Variants in TMED1 observed in about 807,000 individuals in gnomAD.
TMED1 encodes the protein transmembrane emp24 domain-containing protein 1.
A neutral mutation model predicts 21.2 loss-of-function variants in TMED1; 20 were observed. The observed-to-expected ratio is 0.95, with a 90% CI of 0.67 to 1.37. TMED1 has a LOEUF of 1.37. Among genes scored for constraint, TMED1 ranks in the 40% most tolerant of loss-of-function variants. The pLI is 0.00. For synonymous variants in TMED1, 149 were observed against 134.7 expected (o/e 1.11, Z -0.74); for missense variants, 316 against 309.8 (o/e 1.02, Z -0.15).
rs1568327526 is a variant in TMED1 at position 10,832,959 on chromosome 19, CCCT to C, written c.*33_*35del. 1.9e-6 allele frequency: 3 copies of C among 1,602,738 alleles called. No homozygotes were observed. The highest frequency in any genetic ancestry group is 1.7e-5 in the Admixed American group (1 of 59,974). ...GTCTCATATGCACACACCCTGCTGC[CCCT>C]CCTTTGTCCCGTTCTTCCTTCCATG... On this transcript the variant is annotated 3_prime_UTR_variant, in exon 4 of 4. Transcript: ENST00000214869.
In TMED1 at chr19:10,836,099, G is replaced by A; in HGVS notation, c.93C>T (p.Asp31=). 6.3e-7 allele frequency: 1 copy of A among 1,588,812 alleles called. No individual in the cohort carries two copies. Among genetic ancestry groups the A allele is most frequent in the Admixed American group, 1.8e-5 (1 of 56,422 alleles). ...CCGGCAACAGGAACGTGAACTCACC[G>A]TCCTGGATTGGCGGGGGCCCCGCCC... is the stretch of plus-strand genomic sequence containing the variant. ...VGGAGPPPIQ[D]GEFTFLLPAG... Residue 31 remains aspartate, a synonymous_variant, in exon 1 of 4, where the codon GAC becomes GAT. Transcript: ENST00000214869.
In TMED1 at chr19:10,832,959, C is replaced by T. The variant is rs773219415; in HGVS notation, c.*36G>A. On this transcript the variant is annotated 3_prime_UTR_variant, in exon 4 of 4. Coordinates refer to ENST00000214869, the MANE Select transcript of TMED1 (RefSeq NM_006858.4). ...GTCTCATATGCACACACCCTGCTGC[C>T]CCTCCTTTGTCCCGTTCTTCCTTCC... The T allele has an allele frequency of 1.9e-6, 3 of 1,602,738 alleles. No homozygotes were observed. Among genetic ancestry groups the T allele is most frequent in the East Asian group, 2.2e-5 (1 of 44,780 alleles).
At position 10,832,928 on chromosome 19, in the gene TMED1, C is replaced by T. The variant is rs1409796549; in HGVS notation, c.*67G>A. 6.4e-7 allele frequency: 1 copy of T among 1,561,774 alleles called. No individual in the cohort carries two copies. The highest frequency in any genetic ancestry group is 1.7e-4 in the Middle Eastern group (1 of 5,866). On this transcript the variant is annotated 3_prime_UTR_variant, in exon 4 of 4. Transcript: ENST00000214869. ...CAGGAAACTAAAATTGGGGAGGGAC[C>T]CCCAAGTCTCATATGCACACACCCT...
rs1437616933 is a variant in TMED1 at position 10,832,281 on chromosome 19, T to G, written c.*714A>C. 4 of 1,289,418 alleles carry G rather than the reference T, an allele frequency of 3.1e-6. No homozygotes were observed. The Admixed American group carries it at 6.9e-5, about 22-fold the overall frequency. 79.9% of individuals were successfully genotyped at this position (1,289,418 alleles called of 1,614,324 possible). A position where few individuals can be genotyped will look rare whatever the true frequency, so the allele number is the denominator to read the frequency against. On this transcript the variant is annotated 3_prime_UTR_variant, in exon 4 of 4. Transcript: ENST00000214869. ...AACTGGGGCTCAGTTAAACTTTGCT[T>G]TCTGATTTTTCTCTTGTGCCAGGCG... is the stretch of plus-strand genomic sequence containing the variant.
At chr19:10,835,928 C>T in intron 1 of TMED1, 81 bp downstream of exon 1, 1 of 1,480,292 alleles carries the variant, frequency 6.8e-7, no homozygotes, top group Non-Finnish European at 9.0e-7. Context: ...CCCCCTTCCT[C>T]CTAAAGCGCG....
intron 3 of TMED1, chr19:10,834,687 C>A: frequency 2.9e-6 from 1 of 346,490 alleles, no homozygotes; most frequent in South Asian, 3.3e-5. Flanking sequence ...ACCATGTTGG[C>A]CAGGCTGGTC....
rs751144513 is a variant in TMED1, at chr19:10,833,102, C to A, written c.577G>T (p.Val193Phe). 4 of 1,614,112 alleles carry A rather than the reference C, an allele frequency of 2.5e-6. No homozygotes were observed. The highest frequency in any genetic ancestry group is 3.4e-6 in the Non-Finnish European group (4 of 1,180,054). Residue 193 changes from valine (V) to phenylalanine (F), a missense_variant, in exon 4 of 4, where the codon GTC becomes TTC. Val to Phe is a conservative substitution (Grantham distance 50). Transcript: ENST00000214869. ...ACGTTGACAGCTGACCAGAAGTTGA[C>A]CCGCTCCAAGTTGCCCTCTTGCAGG... ...RNLQEGNLERVNFWSAVNVAV... is the reference protein window; with the variant it reads ...RNLQEGNLERFNFWSAVNVAV...
In TMED1 at chr19:10,833,132, G is replaced by C; in HGVS notation, c.547C>G (p.Arg183Gly). ...TLLRAFEARD[R>G]NLQEGNLERV... is the part of the protein sequence containing the mutation. The stretch of plus-strand genomic sequence containing the variant: ...TCCAAGTTGCCCTCTTGCAGGTTGC[G>C]GTCACGTGCCTCGAAGGCCCGCAGT... Residue 183 changes from arginine (R) to glycine (G), a missense_variant, in exon 4 of 4, where the codon CGC becomes GGC. Transcript: ENST00000214869. 6.2e-7 allele frequency: 1 copy of C among 1,614,012 alleles called. No homozygotes were observed. Among genetic ancestry groups the C allele is most frequent in the Non-Finnish European group, 8.5e-7 (1 of 1,180,040 alleles).
At chr19:10,833,431 A>G (rs1181176977) in intron 3 of TMED1, 4 of 588,948 alleles carry the variant, frequency 6.8e-6, no homozygotes, top group Non-Finnish European at 9.1e-6. Flanking sequence ...TTCCTCTTCT[A>G]TAAGCTTCCA....
At chr19:10,835,706 T>C (rs1029979149) in intron 1 of TMED1, 1 of 1,395,062 alleles carries the variant, frequency 7.2e-7, no homozygotes. Context: ...GCCCCCGCAG[T>C]TGACCTATCA....
intron 3 of TMED1, 76 bp from the exon 4 acceptor site, chr19:10,833,289 TAC>T: frequency 7.9e-7 from 1 of 1,266,356 alleles, no homozygotes; most frequent in Non-Finnish European, 1.1e-6. Flanking sequence ...AACCGGGGGA[TAC>T]GGAGGGAGGC....
Position 10,832,280 on chromosome 19 carries a change from T to G in TMED1, c.*715A>C. 1 of 1,289,636 alleles carries G rather than the reference T, an allele frequency of 7.8e-7. No individual in the cohort carries two copies. Among genetic ancestry groups the G allele is most frequent in the Non-Finnish European group, 1.0e-6 (1 of 988,804 alleles). 79.9% of individuals were successfully genotyped at this position (1,289,636 alleles called of 1,614,324 possible). A position where few individuals can be genotyped will look rare whatever the true frequency, so the allele number is the denominator to read the frequency against. ...CAACTGGGGCTCAGTTAAACTTTGC[T>G]TTCTGATTTTTCTCTTGTGCCAGGC... is the stretch of plus-strand genomic sequence containing the variant. On this transcript the variant is annotated 3_prime_UTR_variant, in exon 4 of 4. Coordinates refer to ENST00000214869, the MANE Select transcript of TMED1 (RefSeq NM_006858.4).
Position 10,834,958 on chromosome 19 carries a change from C to G in TMED1, c.441G>C (p.Leu147=). 1 of 1,614,072 alleles carries G rather than the reference C, an allele frequency of 6.2e-7. No individual in the cohort carries two copies. Among genetic ancestry groups the G allele is most frequent in the Non-Finnish European group, 8.5e-7 (1 of 1,179,940 alleles). ...WAEAVEPEEM[L]DVKMEDIKES... The stretch of plus-strand genomic sequence containing the variant: ...CCTTGATGTCCTCCATTTTAACATC[C>G]AGCATCTCCTCGGGCTCCACAGCCT... The change falls in exon 3 of 4, where the codon CTG becomes CTC. Residue 147 remains leucine (L), a synonymous_variant. Transcript: ENST00000214869.
At chr19:10,833,326 T>A in intron 3 of TMED1, 113 bp from the exon 4 acceptor site, 1 of 844,846 alleles carries the variant, frequency 1.2e-6, no homozygotes. Flanking sequence ...GAGGTACAGC[T>A]GCAAACACAG....
chr19:10,834,745 T>G (rs2073404281), intron 3 of TMED1, 189 bp downstream of exon 3: 1 of 617,660 alleles, frequency 1.6e-6, no homozygotes, highest in Non-Finnish European at 2.7e-6. Context: ...CCTCCCAAAG[T>G]GCTGGGATTA....
chr19:10,834,915 C>T lies in TMED1; in HGVS notation c.465+19G>A, dbSNP rs1283177118. 6.2e-7 allele frequency: 1 copy of T among 1,608,514 alleles called. No individual in the cohort carries two copies. The highest frequency in any genetic ancestry group is 1.3e-5 in the African/African-American group (1 of 74,896). ...CCTAGAGATCTGGAAGGAGTGGCCC[C>T]AGCGCAGCCTGGACACACCTTGATG... On this transcript the variant is annotated intron_variant, in intron 3 of 3. Transcript: ENST00000214869.
In TMED1 at chr19:10,832,434, C is replaced by G. The variant is rs1368399764; in HGVS notation, c.*561G>C. The G allele has an allele frequency of 2.7e-6, 3 of 1,111,790 alleles. No individual in the cohort carries two copies. Among genetic ancestry groups the G allele is most frequent in the Non-Finnish European group, 3.6e-6 (3 of 832,390 alleles). 68.9% of individuals were successfully genotyped at this position (1,111,790 alleles called of 1,614,324 possible). ...GTCCCTGAGCCCCAATCAGCAGGCT[C>G]TTGTGATTTTCTGACCATAATTTAT... On this transcript the variant is annotated 3_prime_UTR_variant, in exon 4 of 4. Coordinates refer to ENST00000214869, the MANE Select transcript of TMED1 (RefSeq NM_006858.4).
In TMED1 at chr19:10,836,174, C is replaced by T; in HGVS notation, c.18G>A (p.Ala6=). ...GTAGCCACAAGGCCAGGGCTAGGGC[C>T]GCGCCGGCCGCCATCATCCGGGTCA... MMAAG[A]ALALALWLLM... is the part of the protein sequence containing the mutation. Residue 6 remains alanine (A), a synonymous_variant, in exon 1 of 4, where the codon GCG becomes GCA. Transcript: ENST00000214869. 5.2e-6 allele frequency: 8 copies of T among 1,552,272 alleles called. No individual in the cohort carries two copies. Among genetic ancestry groups the T allele is most frequent in the Non-Finnish European group, 6.1e-6 (7 of 1,152,090 alleles).
chr19:10,835,141 T>C (rs1432989483), intron 2 of TMED1, 24 bp from the exon 3 acceptor site: 2 of 1,608,830 alleles, frequency 1.2e-6, no homozygotes, highest in Non-Finnish European at 1.7e-6. Context: ...CACACAGACA[T>C]GACCCAGGGT....
Sources: gnomAD v4.1 joint callset for allele counts on GRCh38, gnomAD v4.1.1 for gene constraint, MANE v1.5 for transcripts, NCBI Gene and HGNC (gene_info 2026-07-23, HGNC 2026-07-21) for gene names.